Variants in TMPRSS15 observed in about 807,000 individuals in gnomAD.
TMPRSS15 encodes enteropeptidase.
A neutral mutation model predicts 125.3 loss-of-function variants in TMPRSS15; 128 were observed. The observed-to-expected ratio is 1.02, with a 90% CI of 0.89 to 1.18. TMPRSS15 has a LOEUF of 1.18. TMPRSS15 is among the 50% of genes most tolerant of loss of function. TMPRSS15 has a pLI of 0.00. For missense variants in TMPRSS15, 1,283 were observed against 1,212.7 expected, an observed-to-expected ratio of 1.06 and a Z score of -0.86; for synonymous variants, 446 against 423.2, an observed-to-expected ratio of 1.05 and a Z score of -0.66.
intron 1 of TMPRSS15, among the ~76,000 whole-genome samples, chr21:18,451,327 G>C (rs1269725982): frequency 6.6e-6 from 1 of 151,262 alleles, no homozygotes; most frequent in Admixed American, 6.6e-5. Flanking sequence ...CTGTCAAAAA[G>C]CTACTGAACT....
intron 13 of TMPRSS15, among the ~76,000 whole-genome samples, chr21:18,335,761 A>C (rs1222603070): frequency 6.6e-6 from 1 of 152,216 alleles, no homozygotes; most frequent in Non-Finnish European, 1.5e-5. Context: ...TTTAATGGTG[A>C]TGTTGTTCTA....
chr21:18,404,051 C>T (rs994717931), upstream of TMPRSS15, among the ~76,000 whole-genome samples: 10 of 152,160 alleles, frequency 6.6e-5, no homozygotes, highest in Non-Finnish European at 1.2e-4. Context: ...ACAGATCAAC[C>T]TTCTACCCTC....
chr21:18,401,601 G>A (rs2076095145), intron 1 of TMPRSS15, among the ~76,000 whole-genome samples: 2 of 152,114 alleles, frequency 1.3e-5, no homozygotes, highest in Non-Finnish European at 2.9e-5. Context: ...TGGGAGAGGG[G>A]CAAGGGTTGA....
intron 10 of TMPRSS15, among the ~76,000 whole-genome samples, chr21:18,349,695 C>T (rs549003145): frequency 1.3e-5 from 2 of 152,068 alleles, no homozygotes. Context: ...CTATTAAATC[C>T]TATCATCTGT....
At chr21:18,349,549 C>T (rs553440451) in intron 10 of TMPRSS15, among the ~76,000 whole-genome samples, 2 of 152,218 alleles carry the variant, frequency 1.3e-5, no homozygotes, top group South Asian at 2.1e-4. Context: ...AGAGGAACAT[C>T]CAGAAATATT....
At chr21:18,438,206 C>G (rs932735076) in intron 1 of TMPRSS15, among the ~76,000 whole-genome samples, 5 of 150,224 alleles carry the variant, frequency 3.3e-5, no homozygotes, top group Non-Finnish European at 7.4e-5. Flanking sequence ...AATCATCATT[C>G]TCAGTAAACT....
At chr21:18,403,034 A>G (rs1194823856) in intron 1 of TMPRSS15, among the ~76,000 whole-genome samples, 2 of 152,232 alleles carry the variant, frequency 1.3e-5, no homozygotes, top group African/African-American at 4.8e-5. Flanking sequence ...TGATAAGAGA[A>G]TGAAGATAGA....
intron 5 of TMPRSS15, among the ~76,000 whole-genome samples, chr21:18,376,869 C>CA (rs996743948): frequency 7.9e-5 from 12 of 152,086 alleles, no homozygotes; most frequent in Non-Finnish European, 1.6e-4. Flanking sequence ...ACCGTTATCA[C>CA]AAAAAATTCT....
At chr21:18,425,865 A>C (rs1001986856) in intron 1 of TMPRSS15, among the ~76,000 whole-genome samples, 2 of 152,168 alleles carry the variant, frequency 1.3e-5, no homozygotes, top group African/African-American at 4.8e-5. Context: ...AAAAACCCTT[A>C]ATAACCTAAA....
chr21:18,458,120 A>C (rs1222455290), intron 1 of TMPRSS15, among the ~76,000 whole-genome samples: 1 of 152,124 alleles, frequency 6.6e-6, no homozygotes, highest in Non-Finnish European at 1.5e-5. Flanking sequence ...ATAGCCTTAT[A>C]TTAAGGTATA....
intron 1 of TMPRSS15, among the ~76,000 whole-genome samples, chr21:18,451,638 C>T (rs975250278): frequency 2.0e-5 from 3 of 152,236 alleles, no homozygotes; most frequent in South Asian, 2.1e-4. Flanking sequence ...CAATTTTCTG[C>T]AATTACAAAA....
intron 8 of TMPRSS15, 100 bp downstream of exon 8, chr21:18,359,657 G>T: frequency 1.7e-6 from 1 of 603,876 alleles, no homozygotes; most frequent in Non-Finnish European, 3.0e-6. Context: ...TAAGTTTCAA[G>T]TCCATATTCA....
intron 21 of TMPRSS15, 96 bp downstream of exon 21, chr21:18,294,174 G>T: frequency 7.1e-7 from 1 of 1,415,360 alleles, no homozygotes; most frequent in Non-Finnish European, 9.9e-7. Context: ...GGATTTCCCT[G>T]GTGGGATGGT....
At chr21:18,277,404 T>C (rs557994620) in intron 23 of TMPRSS15, among the ~76,000 whole-genome samples, 161 of 152,340 alleles carry the variant, frequency 1.1e-3, no homozygotes, top group African/African-American at 3.6e-3. Context: ...TACACTGTGG[T>C]CATAAAATGT....
chr21:18,370,715 T>G (rs920726201), intron 6 of TMPRSS15, among the ~76,000 whole-genome samples: 1 of 152,302 alleles, frequency 6.6e-6, no homozygotes, highest in Admixed American at 6.5e-5. Flanking sequence ...TCCAAGAACA[T>G]TTGCATCGGG....
At chr21:18,370,243 T>C (rs2075779262) in intron 6 of TMPRSS15, among the ~76,000 whole-genome samples, 1 of 152,162 alleles carries the variant, frequency 6.6e-6, no homozygotes, top group African/African-American at 2.4e-5. Flanking sequence ...ATTATCACAC[T>C]TACATGATAT....
chr21:18,290,424 T>A (rs905394930), intron 21 of TMPRSS15, among the ~76,000 whole-genome samples: 1 of 151,620 alleles, frequency 6.6e-6, no homozygotes, highest in African/African-American at 2.4e-5. Context: ...ACCTGGAACA[T>A]CTTATTTTGA....
At chr21:18,302,644 T>G (rs1288948194) in intron 18 of TMPRSS15, among the ~76,000 whole-genome samples, 6 of 152,200 alleles carry the variant, frequency 3.9e-5, no homozygotes, top group Non-Finnish European at 7.3e-5. Flanking sequence ...TTTCTACTTT[T>G]GTGCAAGCTA....
At chr21:18,406,060 AC>A (rs1295462287), upstream of TMPRSS15, among the ~76,000 whole-genome samples, 1 of 152,098 alleles carries the variant, frequency 6.6e-6, no homozygotes, top group African/African-American at 2.4e-5. Context: ...GGTATGAGGT[AC>A]TTACATTTAT....
Sources: gnomAD v4.1 joint callset for allele counts (sites outside exome capture counted in the v4.1 genomes callset) on GRCh38, gnomAD v4.1.1 for gene constraint, MANE v1.5 for transcripts, NCBI Gene and HGNC (gene_info 2026-07-23, HGNC 2026-07-21) for gene names.